The following CAMK1D variants were observed in gnomAD, a reference collection of about 807,000 sequenced individuals.
CAMK1D encodes calcium/calmodulin dependent protein kinase ID.
A neutral mutation model predicts 47.7 loss-of-function variants in CAMK1D; 9 were observed. The observed-to-expected ratio is 0.19, with a 90% CI of 0.11 to 0.33. CAMK1D has a LOEUF of 0.33. Ranked by LOEUF, CAMK1D falls within the 10% of genes least tolerant of loss-of-function variation. The pLI is 1.00. For synonymous variants in CAMK1D, 184 were observed against 184.9 expected, an observed-to-expected ratio of 0.99 and a Z score of 0.04; for missense variants, 291 against 488.7, an observed-to-expected ratio of 0.60 and a Z score of 3.81.
At chr10:12,770,375 A>T (rs1836985221) in intron 5 of CAMK1D, among the ~76,000 whole-genome samples, 1 of 152,220 alleles carries the variant, frequency 6.6e-6, no homozygotes, top group Non-Finnish European at 1.5e-5. Flanking sequence ...GGATCTGAAC[A>T]CTTGGATTCT....
intron 3 of CAMK1D, among the ~76,000 whole-genome samples, chr10:12,691,351 A>C (rs918459335): frequency 2.2e-4 from 1 of 4,484 alleles, no homozygotes; most frequent in East Asian, 7.5e-3. Context: ...GAAGTTTTCT[A>C]TATATATATA....
intron 2 of CAMK1D, among the ~76,000 whole-genome samples, chr10:12,664,758 A>G (rs1156861131): frequency 1.3e-5 from 2 of 152,226 alleles, no homozygotes; most frequent in Non-Finnish European, 2.9e-5. Context: ...CTACAAAAGT[A>G]TTCACCGTTT....
intron 2 of CAMK1D, among the ~76,000 whole-genome samples, chr10:12,638,634 AG>A (rs1311421343): frequency 6.6e-6 from 1 of 152,164 alleles, no homozygotes; most frequent in Non-Finnish European, 1.5e-5. Flanking sequence ...GCCGCCTCAG[AG>A]TAGCCTGCTG....
At chr10:12,741,363 C>T (rs1396202439) in intron 3 of CAMK1D, among the ~76,000 whole-genome samples, 1 of 152,210 alleles carries the variant, frequency 6.6e-6, no homozygotes, top group African/African-American at 2.4e-5. Context: ...TGGGTAAATG[C>T]ATCTCGCAGT....
intron 3 of CAMK1D, among the ~76,000 whole-genome samples, chr10:12,698,501 T>G (rs1833382279): frequency 6.6e-6 from 1 of 152,126 alleles, no homozygotes; most frequent in African/African-American, 2.4e-5. Context: ...GGTAAAAAAT[T>G]TAAATATGAA....
chr10:12,666,992 A>C (rs190392924), intron 3 of CAMK1D, 182 bp downstream of exon 3: 1 of 593,342 alleles, frequency 1.7e-6, no homozygotes, highest in East Asian at 2.8e-5. Context: ...ACAGGCGTCT[A>C]CAGGCCTCCC....
chr10:12,425,284 CT>C (rs778105667), intron 1 of CAMK1D, among the ~76,000 whole-genome samples: 200 of 140,908 alleles, frequency 1.4e-3, no homozygotes, highest in East Asian at 3.7e-3. Context: ...TTCTTTCTTT[CT>C]TTTTTTTTTT....
intron 3 of CAMK1D, among the ~76,000 whole-genome samples, chr10:12,756,784 CG>C (rs1184242284): frequency 6.6e-6 from 1 of 152,094 alleles, no homozygotes; most frequent in African/African-American, 2.4e-5. Context: ...AAAAATTAGC[CG>C]GGCGTGGTGG....
intron 3 of CAMK1D, among the ~76,000 whole-genome samples, chr10:12,695,691 T>A (rs1385152720): frequency 1.3e-5 from 2 of 152,174 alleles, no homozygotes; most frequent in Non-Finnish European, 2.9e-5. Context: ...GACCATGTTT[T>A]GGTTACCCTG....
At position 12,349,827 on chromosome 10, in the gene CAMK1D, G is replaced by T. The variant is rs779123531; in HGVS notation, c.9G>T (p.Arg3=). 4.7e-6 allele frequency: 7 copies of T among 1,496,458 alleles called. No individual in the cohort carries two copies. The East Asian group carries it at 1.8e-4, about 38-fold the overall frequency. The allele number at this position is 1,496,458 out of a possible 1,614,324, so 92.7% of individuals were successfully genotyped here. MA[R]ENGESSSSWK... is the part of the protein sequence containing the mutation. ...CGCCGCGCTCGTCGGCCATGGCCCG[G>T]GAGAACGGCGAGAGCAGCTCCTCCT... Residue 3 remains arginine, a synonymous_variant, in exon 1 of 11, where the codon CGG becomes CGT. Transcript: ENST00000619168.
At chr10:12,407,593 G>A (rs1839483525) in intron 1 of CAMK1D, among the ~76,000 whole-genome samples, 1 of 152,218 alleles carries the variant, frequency 6.6e-6, no homozygotes. Context: ...AGGGCAGGGA[G>A]TAACCAGCTC....
At chr10:12,538,770 C>T (rs1425343151) in intron 1 of CAMK1D, among the ~76,000 whole-genome samples, 4 of 151,872 alleles carry the variant, frequency 2.6e-5, no homozygotes, top group Non-Finnish European at 5.9e-5. Flanking sequence ...AAGGCTTTCC[C>T]CACTTGGTGG....
At chr10:12,376,162 C>CAAAAAAAAAAAAAAAAA (rs59804213) in intron 1 of CAMK1D, among the ~76,000 whole-genome samples, 23 of 59,992 alleles carry the variant, frequency 3.8e-4, no homozygotes, top group South Asian at 8.4e-4. Flanking sequence ...GACTCTGTCC[C>CAAAAAAAAAAAAAAAAA]AAAAAAAAAA....
intron 3 of CAMK1D, among the ~76,000 whole-genome samples, chr10:12,708,803 A>G (rs1157709237): frequency 1.3e-5 from 2 of 152,168 alleles, no homozygotes. Context: ...TTAAATATGG[A>G]TGACTTGTTT....
At chr10:12,692,000 G>A (rs754562043) in intron 3 of CAMK1D, among the ~76,000 whole-genome samples, 1 of 152,186 alleles carries the variant, frequency 6.6e-6, no homozygotes, top group Non-Finnish European at 1.5e-5. Flanking sequence ...TGACCTTCCT[G>A]TCTAGCCCAC....
intron 3 of CAMK1D, among the ~76,000 whole-genome samples, chr10:12,741,221 AC>A (rs1835412865): frequency 6.6e-6 from 1 of 152,042 alleles, no homozygotes; most frequent in Non-Finnish European, 1.5e-5. Flanking sequence ...TCTTCTCATC[AC>A]CTCTCTGAGA....
At chr10:12,774,622 C>G (rs536863766) in intron 5 of CAMK1D, among the ~76,000 whole-genome samples, 1 of 152,142 alleles carries the variant, frequency 6.6e-6, no homozygotes, top group Non-Finnish European at 1.5e-5. Flanking sequence ...ACAGGGGTTC[C>G]TAACCCCTGG....
chr10:12,580,639 A>T (rs1357761839), intron 2 of CAMK1D, among the ~76,000 whole-genome samples: 1 of 152,196 alleles, frequency 6.6e-6, no homozygotes, highest in Non-Finnish European at 1.5e-5. Context: ...CTAGAAAGAG[A>T]AAAACAGAAG....
intron 2 of CAMK1D, among the ~76,000 whole-genome samples, chr10:12,651,080 C>G (rs1009114613): frequency 1.3e-5 from 2 of 152,162 alleles, no homozygotes; most frequent in African/African-American, 4.8e-5. Context: ...GCACTTTGCT[C>G]CCACCTCCTC....
Sources: allele counts gnomAD v4.1 joint callset (sites outside exome capture counted in the v4.1 genomes callset), GRCh38; gene constraint gnomAD v4.1.1; transcripts MANE v1.5; gene names NCBI Gene and HGNC (gene_info 2026-07-23, HGNC 2026-07-21).